The following ADGRG7 variants were observed in gnomAD, a reference collection of about 807,000 sequenced individuals.
ADGRG7 encodes adhesion G protein-coupled receptor G7.
Under a neutral mutation model 88.6 loss-of-function variants are expected in ADGRG7, and 82 were observed. That is an observed-to-expected ratio of 0.93 (90% confidence interval 0.77 to 1.11). The LOEUF is 1.11. ADGRG7 is among the 50% of genes most tolerant of loss of function. The pLI is 0.00. For missense variants in ADGRG7, 945 were observed against 953.4 expected (o/e 0.99, Z 0.12); for synonymous variants, 381 against 345.2 (o/e 1.10, Z -1.15).
intron 15 of ADGRG7, among the ~76,000 whole-genome samples, chr3:100,679,275 G>GCTA (rs1469255066): frequency 6.6e-6 from 1 of 152,164 alleles, no homozygotes; most frequent in African/African-American, 2.4e-5. Flanking sequence ...ACATTGCCTG[G>GCTA]CTACCACTGA....
At chr3:100,653,737 C>T (rs1223931362) in intron 11 of ADGRG7, among the ~76,000 whole-genome samples, 1 of 151,918 alleles carries the variant, frequency 6.6e-6, no homozygotes, top group East Asian at 1.9e-4. Flanking sequence ...ACCTAGGATG[C>T]TGGGGCAGCT....
At chr3:100,628,172 G>T (rs896262423) in intron 1 of ADGRG7, among the ~76,000 whole-genome samples, 1 of 152,126 alleles carries the variant, frequency 6.6e-6, no homozygotes, top group South Asian at 2.1e-4. Flanking sequence ...TAGAGACTGG[G>T]TAGTGCCCTT....
At chr3:100,673,013 AT>A (rs1466518524) in intron 15 of ADGRG7, among the ~76,000 whole-genome samples, 1 of 151,704 alleles carries the variant, frequency 6.6e-6, no homozygotes, top group Non-Finnish European at 1.5e-5. Flanking sequence ...CTGGCCTGAA[AT>A]TTTTTTTGTG....
intron 3 of ADGRG7, among the ~76,000 whole-genome samples, chr3:100,632,298 A>C (rs1348313000): frequency 6.6e-6 from 1 of 152,096 alleles, no homozygotes; most frequent in Non-Finnish European, 1.5e-5. Flanking sequence ...TCATGTTTAT[A>C]ATATTTATCC....
intron 15 of ADGRG7, among the ~76,000 whole-genome samples, chr3:100,684,965 A>G (rs1033626818): frequency 6.6e-6 from 1 of 152,000 alleles, no homozygotes; most frequent in Non-Finnish European, 1.5e-5. Context: ...TACTGTCTAC[A>G]TTATTTTCTT....
intron 6 of ADGRG7, among the ~76,000 whole-genome samples, chr3:100,639,713 C>G (rs961820081): frequency 1.3e-5 from 2 of 152,066 alleles, no homozygotes; most frequent in African/African-American, 4.8e-5. Context: ...GGTGAGAAAG[C>G]TGGGAAAAGA....
intron 15 of ADGRG7, among the ~76,000 whole-genome samples, chr3:100,691,240 C>T (rs959462106): frequency 2.0e-5 from 3 of 152,144 alleles, no homozygotes; most frequent in African/African-American, 7.2e-5. Flanking sequence ...GGGAGTGACC[C>T]GATTTTCCAG....
intron 1 of ADGRG7, among the ~76,000 whole-genome samples, chr3:100,626,733 C>A (rs1018211063): frequency 6.6e-6 from 1 of 151,916 alleles, no homozygotes. Flanking sequence ...TGCAGTGAGC[C>A]GAGATTGTGC....
At chr3:100,691,567 A>T (rs1187153868) in intron 15 of ADGRG7, among the ~76,000 whole-genome samples, 1 of 151,904 alleles carries the variant, frequency 6.6e-6, no homozygotes, top group Non-Finnish European at 1.5e-5. Context: ...ACAATTTTAG[A>T]TCCATAAGAT....
intron 14 of ADGRG7, among the ~76,000 whole-genome samples, chr3:100,663,646 A>G (rs2094948315): frequency 6.6e-6 from 1 of 152,014 alleles, no homozygotes; most frequent in Non-Finnish European, 1.5e-5. Context: ...AGAAACCTCA[A>G]AAATAAAATA....
In ADGRG7 at chr3:100,695,229, T is replaced by A; in HGVS notation, c.*228T>A. On this transcript the variant is annotated 3_prime_UTR_variant, in exon 16 of 16. Coordinates refer to ENST00000273352, the MANE Select transcript of ADGRG7 (RefSeq NM_032787.3). ...ATAAGGTGAAGAATTTCACACAACATACAAGAGTACCATTGTTCCTTATAT... is the reference window on the plus strand; with the variant it reads ...ATAAGGTGAAGAATTTCACACAACAAACAAGAGTACCATTGTTCCTTATAT... The A allele has an allele frequency of 6.0e-6, 3 of 498,378 alleles. No homozygotes were observed. Among genetic ancestry groups the A allele is most frequent in the Non-Finnish European group, 1.1e-5 (3 of 282,982 alleles). The allele number at this position is 498,378 out of a possible 1,614,324, so 30.9% of individuals were successfully genotyped here.
chr3:100,674,316 T>C (rs1260588714), intron 15 of ADGRG7, among the ~76,000 whole-genome samples: 1 of 152,166 alleles, frequency 6.6e-6, no homozygotes, highest in Non-Finnish European at 1.5e-5. Context: ...ATTTTTTTCT[T>C]TTTCTGTGAA....
chr3:100,675,858 T>C (rs1170730423), intron 15 of ADGRG7, among the ~76,000 whole-genome samples: 4 of 152,148 alleles, frequency 2.6e-5, no homozygotes, highest in Non-Finnish European at 4.4e-5. Context: ...TGTAGAAATT[T>C]GTCCATTTCT....
At chr3:100,644,115 T>C (rs1707696459) in intron 8 of ADGRG7, among the ~76,000 whole-genome samples, 1 of 152,160 alleles carries the variant, frequency 6.6e-6, no homozygotes, top group African/African-American at 2.4e-5. Context: ...CACCATGTGC[T>C]CACTATTGTC....
chr3:100,633,300 T>A lies in ADGRG7; in HGVS notation c.370T>A (p.Ser124Thr). 1 of 1,549,700 alleles carries A rather than the reference T, an allele frequency of 6.5e-7. No homozygotes were observed. The highest frequency in any genetic ancestry group is 1.4e-5 in the African/African-American group (1 of 72,144). Residue 124 changes from serine (S) to threonine (T), a missense_variant, in exon 4 of 16, where the codon TCT (serine) becomes ACT (threonine). Transcript: ENST00000273352. ...AATGGCAGTCCGGTTGTGCAGTCTC[T>A]CTCTATATGGAGAGATAGAATTACA... ...NPMAVRLCSL[S>T]LYGEIELQKV...
At chr3:100,679,705 T>G (rs969385044) in intron 15 of ADGRG7, among the ~76,000 whole-genome samples, 3 of 152,194 alleles carry the variant, frequency 2.0e-5, no homozygotes, top group Non-Finnish European at 4.4e-5. Flanking sequence ...TTAGTCCCTC[T>G]TCTTTGAGTA....
intron 1 of ADGRG7, among the ~76,000 whole-genome samples, chr3:100,610,534 C>T (rs1173868841): frequency 1.3e-5 from 2 of 152,152 alleles, no homozygotes; most frequent in East Asian, 3.8e-4. Flanking sequence ...AATGACTTTC[C>T]TGATTATTCA....
At chr3:100,642,679 C>T (rs1302965378) in intron 6 of ADGRG7, among the ~76,000 whole-genome samples, 2 of 152,214 alleles carry the variant, frequency 1.3e-5, no homozygotes, top group African/African-American at 2.4e-5. Flanking sequence ...CTCCCTCCCA[C>T]CTTCCATCTA....
intron 4 of ADGRG7, among the ~76,000 whole-genome samples, chr3:100,634,629 G>A (rs979173665): frequency 1.5e-4 from 23 of 152,136 alleles, no homozygotes; most frequent in Admixed American, 1.4e-3. Context: ...AACAGAAGTT[G>A]GAGAGTGGAT....
Sources: gnomAD v4.1 joint callset for allele counts (sites outside exome capture counted in the v4.1 genomes callset) on GRCh38, gnomAD v4.1.1 for gene constraint, MANE v1.5 for transcripts, NCBI Gene and HGNC (gene_info 2026-07-23, HGNC 2026-07-21) for gene names.